The following SMARCA2 variants were observed in gnomAD, a reference collection of about 807,000 sequenced individuals.
The protein encoded by SMARCA2 is SWI/SNF-related matrix-associated actin-dependent regulator of chromatin subfamily A member 2.
Under a neutral mutation model 199.8 loss-of-function variants are expected in SMARCA2, and 61 were observed. That is an observed-to-expected ratio of 0.31 (90% CI 0.25 to 0.38). SMARCA2 has a LOEUF of 0.38. Among genes scored for constraint, SMARCA2 ranks in the 10% least tolerant of loss-of-function variants. The pLI is 1.00. For missense variants in SMARCA2, 1,344 were observed against 2,012.2 expected (o/e 0.67, Z 6.35); for synonymous variants, 935 against 732.0 (o/e 1.28, Z -4.48).
chr9:2,153,523 G>C (rs1825188400), intron 27 of SMARCA2, among the ~76,000 whole-genome samples: 1 of 152,134 alleles, frequency 6.6e-6, no homozygotes, highest in Non-Finnish European at 1.5e-5. Context: ...GTAACAGAAT[G>C]AGGCCCCGTC....
intron 9 of SMARCA2, among the ~76,000 whole-genome samples, chr9:2,064,283 T>A (rs763581549): frequency 6.6e-6 from 1 of 152,348 alleles, no homozygotes; most frequent in East Asian, 1.9e-4. Flanking sequence ...GCTATTATTC[T>A]CTTGTAGGCT....
At chr9:2,045,704 T>G (rs1162385083) in intron 4 of SMARCA2, 1 of 152,122 alleles carries the variant, frequency 6.6e-6, no homozygotes, top group Non-Finnish European at 1.5e-5. Context: ...CCTAAGATTT[T>G]CTCATCAACC....
chr9:2,145,876 A>C (rs2130702303), intron 27 of SMARCA2, among the ~76,000 whole-genome samples: 1 of 152,330 alleles, frequency 6.6e-6, no homozygotes, highest in Middle Eastern at 3.4e-3. Flanking sequence ...GGGTAGTGGA[A>C]TGGGAGTTGA....
chr9:2,094,897 A>G (rs1282153634), intron 19 of SMARCA2, among the ~76,000 whole-genome samples: 2 of 152,172 alleles, frequency 1.3e-5, no homozygotes, highest in Admixed American at 1.3e-4. Flanking sequence ...CTTTACCCTT[A>G]TCAAATGTCA....
At chr9:2,020,259 T>C (rs1479067424) in intron 1 of SMARCA2, among the ~76,000 whole-genome samples, 2 of 149,744 alleles carry the variant, frequency 1.3e-5, no homozygotes, top group Non-Finnish European at 3.0e-5. Context: ...TCTAAATTGT[T>C]TTTTTTTCCC....
At position 2,186,205 on chromosome 9, in the gene SMARCA2, A is replaced by T. The variant is rs769899879; in HGVS notation, c.4571A>T (p.Asp1524Val). The T allele has an allele frequency of 1.2e-6, 2 of 1,614,112 alleles. No individual in the cohort carries two copies. Among genetic ancestry groups the T allele is most frequent in the Admixed American group, 1.7e-5 (1 of 60,024 alleles). The change falls in exon 32 of 34, where the codon GAT becomes GTT. Residue 1524 changes from aspartate (D) to valine (V), a missense_variant. By Grantham distance (152) the Asp-to-Val change is radical (BLOSUM62 -3). Transcript: ENST00000349721. ...DESNEEEEEE[D>V]EEESESEAKS... ...AGCAATGAAGAGGAGGAAGAGGAAG[A>T]TGAAGAAGAGTCAGAGTCCGAGGGT...
At chr9:2,070,980 T>C (rs1013341369) in intron 10 of SMARCA2, among the ~76,000 whole-genome samples, 4 of 152,244 alleles carry the variant, frequency 2.6e-5, no homozygotes, top group Non-Finnish European at 5.9e-5. Context: ...CATTTCCTAG[T>C]AGTTCCAGTA....
chr9:2,075,755 T>A (rs1028846613), intron 12 of SMARCA2, among the ~76,000 whole-genome samples: 2 of 152,160 alleles, frequency 1.3e-5, no homozygotes, highest in African/African-American at 4.8e-5. Context: ...CCTCCTGGGT[T>A]CAAGCGATTC....
chr9:2,076,306 GA>G lies in SMARCA2; in HGVS notation c.2015del (p.Lys672ArgfsTer48). The G allele has an allele frequency of 6.2e-7, 1 of 1,607,244 alleles. No homozygotes were observed. Among genetic ancestry groups the G allele is most frequent in the Non-Finnish European group, 8.5e-7 (1 of 1,173,714 alleles). On this transcript the variant is annotated frameshift_variant, in exon 13 of 34. Transcript: ENST00000349721. LOFTEE classifies it high-confidence loss of function. The stretch of plus-strand genomic sequence containing the variant: ...ATCCAAATAGCGAAGAAGTTTCTGA[GA>G]AGGATGCTAAGCAGATCATTGAGTA... ...LDPNSEEVSE[K>X]DAKQIIETAK...
At position 2,104,295 on chromosome 9, in the gene SMARCA2, C is replaced by A; in HGVS notation, c.3292+126C>A. 1.1e-6 allele frequency: 1 copy of A among 877,244 alleles called. No individual in the cohort carries two copies. The highest frequency in any genetic ancestry group is 1.7e-6 in the Non-Finnish European group (1 of 585,258). The allele number at this position is 877,244 out of a possible 1,614,324, so 54.3% of individuals were successfully genotyped here. On this transcript the variant is annotated intron_variant, in intron 23 of 33. Transcript: ENST00000349721. The surrounding 1 kb of genome is among the most constrained non-coding windows in gnomAD (Gnocchi z 4.0). ...AAGAATTGACTAGAAGCATTGGGAGCAGTTTTTCTAGATAGCAATTTTTTG... is the reference window on the plus strand; with the variant it reads ...AAGAATTGACTAGAAGCATTGGGAGAAGTTTTTCTAGATAGCAATTTTTTG...
intron 12 of SMARCA2, 84 bp downstream of exon 12, chr9:2,073,707 G>T (rs1305594173): frequency 2.0e-6 from 2 of 1,001,454 alleles, no homozygotes; most frequent in Admixed American, 2.0e-5. Context: ...CCCGGGCCTT[G>T]GGTCCTTCTA....
intron 12 of SMARCA2, among the ~76,000 whole-genome samples, chr9:2,075,691 C>T (rs915728257): frequency 6.6e-6 from 1 of 152,068 alleles, no homozygotes; most frequent in Non-Finnish European, 1.5e-5. Context: ...GAGTTTCGCT[C>T]TTGTTGTCCA....
chr9:2,104,514 TTTA>T lies in SMARCA2; in HGVS notation c.3292+346_3292+348del, dbSNP rs1262648851. On this transcript the variant is annotated intron_variant, in intron 23 of 33. Transcript: ENST00000349721. This position sits in a 1 kb window ranked among gnomAD's most constrained non-coding sequence, Gnocchi z 4.0. ...AAGATATAGAATACATTGACACACCTTTAACTTTTTCAGTTAAGGCATATTTTA... is the reference window on the plus strand; with the variant it reads ...AAGATATAGAATACATTGACACACCTACTTTTTCAGTTAAGGCATATTTTA... Among the ~76,000 whole-genome samples, 1 of 152,244 alleles carries T rather than the reference TTTA, an allele frequency of 6.6e-6. No individual in the cohort carries two copies. Among genetic ancestry groups the T allele is most frequent in the Non-Finnish European group, 1.5e-5 (1 of 68,028 alleles).
chr9:2,069,434 C>T (rs1412346516), intron 9 of SMARCA2, among the ~76,000 whole-genome samples: 1 of 151,680 alleles, frequency 6.6e-6, no homozygotes, highest in African/African-American at 2.4e-5. Context: ...TGGCGGTCGC[C>T]TGTAGTCCCA....
rs370196569 is a variant in SMARCA2, at chr9:2,086,618, A to T, written c.2527-211A>T. ...TTTGGAATTACGTGGTCTGTAAGGA[A>T]CATTGTTCCTTTAACATTCTATTAT... On this transcript the variant is annotated intron_variant, in intron 17 of 33. Coordinates refer to ENST00000349721, the MANE Select transcript of SMARCA2 (RefSeq NM_003070.5). The surrounding 1 kb of genome is among the most constrained non-coding windows in gnomAD (Gnocchi z 4.3). Among the ~76,000 whole-genome samples the T allele has an allele frequency of 6.6e-6, 1 of 152,154 alleles. No homozygotes were observed. Among genetic ancestry groups the T allele is most frequent in the African/African-American group, 2.4e-5 (1 of 41,424 alleles).
chr9:2,143,556 G>A (rs922989524), intron 27 of SMARCA2, among the ~76,000 whole-genome samples: 10 of 152,190 alleles, frequency 6.6e-5, no homozygotes, highest in Non-Finnish European at 7.3e-5. Context: ...GAGGAGACCC[G>A]TCTGACAGCA....
intron 14 of SMARCA2, 31 bp downstream of exon 14, chr9:2,077,807 A>C (rs1449687166): frequency 1.3e-6 from 2 of 1,574,132 alleles, no homozygotes; most frequent in Admixed American, 3.7e-5. Context: ...TTCCTTGGCA[A>C]GTTGTAACCA....
chr9:2,032,821 T>C, intron 2 of SMARCA2, 131 bp from the exon 3 acceptor site: 1 of 724,368 alleles, frequency 1.4e-6, no homozygotes, highest in African/African-American at 1.8e-5. Context: ...CTAGTCTCTT[T>C]TTTTAACTCT....
rs143708422 is a variant in SMARCA2 at position 2,126,372 on chromosome 9, G to A, written c.3981+2435G>A. ...GTATTTGGTATGAAACTGGCAACTT[G>A]TTATTAATCAGGACATGCAATGGAT... is the stretch of plus-strand genomic sequence containing the variant. On this transcript the variant is annotated intron_variant, in intron 27 of 33. Transcript: ENST00000349721. Among the ~76,000 whole-genome samples the A allele has an allele frequency of 5.9e-3, 896 of 152,320 alleles. 8 individuals carry two copies. The highest frequency in any genetic ancestry group is 0.02 in the African/African-American group (827 of 41,566).
Sources: allele counts gnomAD v4.1 joint callset (sites outside exome capture counted in the v4.1 genomes callset), GRCh38; gene constraint gnomAD v4.1.1; non-coding constraint Gnocchi (gnomAD v3.1); transcripts MANE v1.5; gene names NCBI Gene and HGNC (gene_info 2026-07-23, HGNC 2026-07-21).